NBAS: variants seen among roughly 807,000 people sequenced by gnomAD.
NBAS encodes NBAS subunit of NRZ tethering complex.
Under a neutral mutation model 302.5 loss-of-function variants are expected in NBAS, and 219 were observed. The ratio of observed to expected loss-of-function variants is 0.72; its 90% CI spans 0.65 to 0.81. The LOEUF (loss-of-function observed/expected upper bound fraction) is 0.81, where lower values mean the gene tolerates loss of function less well. NBAS is among the 30% of genes least tolerant of loss of function. The probability of loss-of-function intolerance (pLI) is 0.00; values close to 1 mark genes in which losing one functional copy is unlikely to be tolerated. For synonymous variants in NBAS, 1,118 were observed against 1,021.6 expected (o/e 1.09, Z -1.80); for missense variants, 2,932 against 2,841.6 (o/e 1.03, Z -0.72).
chr2:15,103,054 GGGAA>G, the NBAS span, among the ~76,000 whole-genome samples: 3 of 139,256 alleles, frequency 2.2e-5, no homozygotes, highest in African/African-American at 8.2e-5. Flanking sequence ...GAGGGAGGGA[GGGAA>G]GGAAGGGAGG....
chr2:15,025,064 C>T, the NBAS span, among the ~76,000 whole-genome samples: 2 of 152,034 alleles, frequency 1.3e-5, no homozygotes, highest in African/African-American at 4.8e-5. Context: ...ATGGTATTTC[C>T]TAGGTTATCT....
At chr2:14,829,927 AC>A in the NBAS span, among the ~76,000 whole-genome samples, 1 of 152,212 alleles carries the variant, frequency 6.6e-6, no homozygotes, top group Non-Finnish European at 1.5e-5. Flanking sequence ...CTTATCAAAG[AC>A]ATATTGGTTA....
At position 15,536,560 on chromosome 2, in the gene NBAS, G is replaced by T; in HGVS notation, c.514-9C>A. The T allele has an allele frequency of 3.8e-6, 6 of 1,588,446 alleles. No homozygotes were observed. Among genetic ancestry groups the T allele is most frequent in the Non-Finnish European group, 5.1e-6 (6 of 1,168,864 alleles). On this transcript the variant is annotated splice_polypyrimidine_tract_variant and intron_variant, in intron 7 of 51. Coordinates refer to ENST00000281513, the MANE Select transcript of NBAS (RefSeq NM_015909.4). ...CCTATAAAACTAGATGCCTACAGAA[G>T]AGGGGGAAATTAAGTTACTAAAAAA...
At chr2:15,394,074 C>T (rs545785356) in intron 28 of NBAS, among the ~76,000 whole-genome samples, 153 bp downstream of exon 28, 1 of 152,106 alleles carries the variant, frequency 6.6e-6, no homozygotes, top group Non-Finnish European at 1.5e-5. Context: ...CATGGCTATA[C>T]ACACATATCA....
the NBAS span, among the ~76,000 whole-genome samples, chr2:15,105,638 A>T: frequency 6.6e-6 from 1 of 152,098 alleles, no homozygotes; most frequent in Non-Finnish European, 1.5e-5. Flanking sequence ...GCCTGAGAAC[A>T]AAAATGCGTT....
intron 50 of NBAS, among the ~76,000 whole-genome samples, chr2:15,186,316 T>C (rs553841618): frequency 6.6e-6 from 1 of 152,180 alleles, no homozygotes; most frequent in Non-Finnish European, 1.5e-5. Context: ...ATTGTGATTA[T>C]GCAATCTCGT....
At chr2:15,179,494 TGAGA>T (rs879422458) in intron 50 of NBAS, 3 of 194,204 alleles carry the variant, frequency 1.5e-5, no homozygotes, top group Non-Finnish European at 2.0e-5. Flanking sequence ...TGTGTGTGTG[TGAGA>T]GAGAGAGAGT....
At chr2:14,780,024 C>A in the NBAS span, among the ~76,000 whole-genome samples, 1 of 152,162 alleles carries the variant, frequency 6.6e-6, no homozygotes, top group African/African-American at 2.4e-5. Flanking sequence ...CCGATCTTAA[C>A]CCATTTCAGT....
chr2:14,945,431 A>G, the NBAS span, among the ~76,000 whole-genome samples: 10 of 152,330 alleles, frequency 6.6e-5, no homozygotes, highest in Admixed American at 4.6e-4. Context: ...TCTCCCAAAG[A>G]AACAAAGCAA....
chr2:15,141,180 T>A, the NBAS span, among the ~76,000 whole-genome samples: 9 of 152,066 alleles, frequency 5.9e-5, no homozygotes, highest in East Asian at 3.9e-4. Context: ...CCCCTCTCTC[T>A]CCCTCCCTCC....
intron 26 of NBAS, among the ~76,000 whole-genome samples, chr2:15,399,446 T>A (rs1157031614): frequency 2.0e-5 from 3 of 152,138 alleles, no homozygotes; most frequent in Admixed American, 2.0e-4. Flanking sequence ...GCTACAAAAA[T>A]CTATTAAGAC....
At chr2:14,904,720 T>G in the NBAS span, among the ~76,000 whole-genome samples, 1 of 152,176 alleles carries the variant, frequency 6.6e-6, no homozygotes, top group Non-Finnish European at 1.5e-5. Flanking sequence ...GCAGGCACTG[T>G]GCGCAATTTG....
chr2:15,306,577 A>G (rs189562038), intron 40 of NBAS, among the ~76,000 whole-genome samples: 1 of 152,350 alleles, frequency 6.6e-6, no homozygotes, highest in East Asian at 1.9e-4. Context: ...TGAGGCAGCT[A>G]GAACTTTGAC....
the NBAS span, among the ~76,000 whole-genome samples, chr2:14,821,201 A>G: frequency 6.6e-6 from 1 of 152,138 alleles, no homozygotes. Context: ...CTGGGATTAC[A>G]GGCGTGAGCC....
the NBAS span, among the ~76,000 whole-genome samples, chr2:14,853,792 A>T: frequency 8.2e-6 from 1 of 121,586 alleles, no homozygotes; most frequent in Non-Finnish European, 1.7e-5. Context: ...TGAAATTGGA[A>T]ACCATCATTC....
the NBAS span, among the ~76,000 whole-genome samples, chr2:14,783,467 C>A: frequency 8.6e-6 from 1 of 116,094 alleles, no homozygotes; most frequent in African/African-American, 3.1e-5. Context: ...CTATCCCTCC[C>A]CCCTCCCCCC....
intron 11 of NBAS, among the ~76,000 whole-genome samples, chr2:15,501,985 A>G (rs558686114): frequency 1.3e-5 from 2 of 152,324 alleles, no homozygotes; most frequent in South Asian, 4.1e-4. Flanking sequence ...AGTAAAATAG[A>G]TAATTCTTTC....
At chr2:15,400,252 T>G (rs1158494932) in intron 26 of NBAS, among the ~76,000 whole-genome samples, 1 of 145,066 alleles carries the variant, frequency 6.9e-6, no homozygotes, top group Non-Finnish European at 1.5e-5. Context: ...AAAAAAAACA[T>G]GAAAGGAATA....
rs115240221 is a variant in NBAS, at chr2:15,457,813, G to C, written c.2339+3388C>G. Among the ~76,000 whole-genome samples the C allele has an allele frequency of 7.2e-4, 110 of 152,304 alleles. 1 individual carries two copies. The highest frequency in any genetic ancestry group is 2.4e-3 in the African/African-American group (100 of 41,574). ...CTCACAACGGAAATAATTTCTAGAA[G>C]TACATCTTACTGCTCTACTTGTCAT... On this transcript the variant is annotated intron_variant, in intron 21 of 51. Transcript: ENST00000281513.
Sources: allele counts gnomAD v4.1 joint callset (sites outside exome capture counted in the v4.1 genomes callset), GRCh38; gene constraint gnomAD v4.1.1; transcripts MANE v1.5; gene names NCBI Gene and HGNC (gene_info 2026-07-23, HGNC 2026-07-21).